Variants in GALNTL6 observed in about 807,000 individuals in gnomAD.
GALNTL6 encodes polypeptide N-acetylgalactosaminyltransferase-like 6.
A neutral mutation model predicts 73.7 loss-of-function variants in GALNTL6; 46 were observed. The observed-to-expected ratio is 0.62, with a 90% CI of 0.49 to 0.80. The LOEUF is 0.80. Among genes scored for constraint, GALNTL6 ranks in the 30% least tolerant of loss-of-function variants. The pLI is 0.00. For missense variants in GALNTL6, 604 were observed against 755.0 expected, an observed-to-expected ratio of 0.80 and a Z score of 2.34; for synonymous variants, 259 against 263.7, an observed-to-expected ratio of 0.98 and a Z score of 0.17.
intron 5 of GALNTL6, among the ~76,000 whole-genome samples, chr4:172,670,109 G>A (rs1731891464): frequency 6.6e-6 from 1 of 152,126 alleles, no homozygotes; most frequent in African/African-American, 2.4e-5. Context: ...TTTCTACTGT[G>A]CATAGTGCTG....
intron 7 of GALNTL6, among the ~76,000 whole-genome samples, chr4:172,853,319 G>T (rs1457545561): frequency 6.6e-6 from 1 of 152,208 alleles, no homozygotes; most frequent in Non-Finnish European, 1.5e-5. Context: ...ATAGTCACTT[G>T]CTTTCTTCAG....
intron 2 of GALNTL6, among the ~76,000 whole-genome samples, chr4:172,024,531 GA>G (rs1282822999): frequency 1.3e-5 from 2 of 151,748 alleles, no homozygotes; most frequent in Non-Finnish European, 2.9e-5. Context: ...AATTAAAGAG[GA>G]ATTAGTTATG....
intron 5 of GALNTL6, among the ~76,000 whole-genome samples, chr4:172,655,057 C>A (rs1730905452): frequency 6.6e-6 from 1 of 152,094 alleles, no homozygotes; most frequent in South Asian, 2.1e-4. Flanking sequence ...GTTCATAATG[C>A]TATGAGGATC....
chr4:172,661,414 A>G (rs988694656), intron 5 of GALNTL6, among the ~76,000 whole-genome samples: 2 of 152,236 alleles, frequency 1.3e-5, no homozygotes, highest in East Asian at 3.8e-4. Flanking sequence ...ATATATGCAC[A>G]TACATACTGT....
At chr4:172,312,615 G>GA (rs1427715872) in intron 4 of GALNTL6, among the ~76,000 whole-genome samples, 12 of 150,928 alleles carry the variant, frequency 8.0e-5, no homozygotes, top group African/African-American at 2.4e-4. Flanking sequence ...GAAAATCAAG[G>GA]AAAAAAAATC....
At chr4:172,743,928 T>A (rs981981165) in intron 5 of GALNTL6, among the ~76,000 whole-genome samples, 1 of 152,130 alleles carries the variant, frequency 6.6e-6, no homozygotes. Context: ...ATAGAATTCA[T>A]CACCTTTCAT....
In GALNTL6 at chr4:172,809,618, G is replaced by T; in HGVS notation, c.739+72G>T. The T allele has an allele frequency of 7.9e-7, 1 of 1,267,920 alleles. No individual in the cohort carries two copies. The highest frequency in any genetic ancestry group is 1.1e-6 in the Non-Finnish European group (1 of 916,316). 78.5% of individuals were successfully genotyped at this position (1,267,920 alleles called of 1,614,324 possible). A position where few individuals can be genotyped will look rare whatever the true frequency, so the allele number is the denominator to read the frequency against. Reference sequence around the variant, plus strand: ...TGAGCGGTTTGCTTCTATTTAGTTTGCAATCAGCAAACACTAGAGGTCCCT... The same window carrying T: ...TGAGCGGTTTGCTTCTATTTAGTTTTCAATCAGCAAACACTAGAGGTCCCT... On this transcript the variant is annotated intron_variant, in intron 6 of 12. Transcript: ENST00000506823. This position sits in a 1 kb window ranked among gnomAD's most constrained non-coding sequence, Gnocchi z 4.4.
chr4:171,995,845 T>C (rs1352061065), intron 2 of GALNTL6, among the ~76,000 whole-genome samples: 1 of 152,058 alleles, frequency 6.6e-6, no homozygotes, highest in Non-Finnish European at 1.5e-5. Context: ...GAAAAGTCCA[T>C]GTACCATGTG....
At chr4:172,383,031 T>C (rs1428750453) in intron 5 of GALNTL6, among the ~76,000 whole-genome samples, 1 of 152,178 alleles carries the variant, frequency 6.6e-6, no homozygotes, top group East Asian at 1.9e-4. Context: ...ATTATTATAG[T>C]TCTGTAATAA....
intron 7 of GALNTL6, among the ~76,000 whole-genome samples, chr4:172,881,291 A>C (rs1745438973): frequency 6.6e-6 from 1 of 152,160 alleles, no homozygotes. Context: ...TGCTAGAGAG[A>C]GGGATAAAGT....
intron 5 of GALNTL6, among the ~76,000 whole-genome samples, chr4:172,496,758 T>C (rs187122567): frequency 6.6e-6 from 1 of 152,314 alleles, no homozygotes; most frequent in Non-Finnish European, 1.5e-5. Flanking sequence ...AACAATGTAG[T>C]AGCGATACTG....
Position 172,748,930 on chromosome 4 carries a change from A to G in GALNTL6, c.554-60431A>G, listed in dbSNP as rs182138347. 6.7e-5 allele frequency among the ~76,000 whole-genome samples: 10 copies of G among 149,604 alleles called. No homozygotes were observed. The East Asian group carries it at 2.0e-3, about 30-fold the overall frequency. ...TTGTTGTTGTTGTTGTTGTTGTTTA[A>G]GACAAGGTCTACTCTGTTGCCCAGG... On this transcript the variant is annotated intron_variant, in intron 5 of 12. Transcript: ENST00000506823.
At chr4:171,919,495 TTGCATTTCAAAC>T (rs1361220114) in intron 2 of GALNTL6, among the ~76,000 whole-genome samples, 1 of 151,952 alleles carries the variant, frequency 6.6e-6, no homozygotes, top group Non-Finnish European at 1.5e-5. Context: ...TCCCAATAGT[TTGCATTTCAAAC>T]AATTAGTCAG....
intron 5 of GALNTL6, among the ~76,000 whole-genome samples, chr4:172,443,600 TGA>T (rs2111406235): frequency 6.6e-6 from 1 of 152,206 alleles, no homozygotes; most frequent in East Asian, 1.9e-4. Context: ...TTTTTATATG[TGA>T]GAGATATGAC....
At chr4:172,528,319 AATATATATATAT>A (rs3083419) in intron 5 of GALNTL6, among the ~76,000 whole-genome samples, 2,230 of 103,584 alleles carry the variant, frequency 0.022, 33 homozygotes, top group Non-Finnish European at 0.029. Flanking sequence ...CTAGAAATAA[AATATATATATAT>A]ATATATATAT....
At chr4:172,228,048 G>T (rs1383281567) in intron 2 of GALNTL6, among the ~76,000 whole-genome samples, 1 of 152,072 alleles carries the variant, frequency 6.6e-6, no homozygotes, top group Non-Finnish European at 1.5e-5. Flanking sequence ...CAAAACATGG[G>T]TTACATATTT....
intron 2 of GALNTL6, among the ~76,000 whole-genome samples, chr4:172,082,043 A>T (rs1312737837): frequency 1.3e-5 from 2 of 151,844 alleles, no homozygotes; most frequent in Admixed American, 6.6e-5. Flanking sequence ...TGCCCCGCTA[A>T]TTTTCGTATT....
Position 172,831,268 on chromosome 4 carries a change from G to A in GALNTL6, c.923+17545G>A, listed in dbSNP as rs1194294082. The stretch of plus-strand genomic sequence containing the variant: ...TGCTGGCTGTTCAGTCTTGGAAGCT[G>A]CAGCTAATGCAGAGTGGCCTAGAAC... On this transcript the variant is annotated intron_variant, in intron 7 of 12. Coordinates refer to ENST00000506823, the MANE Select transcript of GALNTL6 (RefSeq NM_001034845.3). 2.0e-5 allele frequency among the ~76,000 whole-genome samples: 3 copies of A among 150,790 alleles called. No individual in the cohort carries two copies. In the Admixed American group the frequency reaches 2.0e-4, roughly 10 times the overall value.
At chr4:171,874,711 C>T (rs950309375) in intron 2 of GALNTL6, among the ~76,000 whole-genome samples, 2 of 152,098 alleles carry the variant, frequency 1.3e-5, no homozygotes, top group Non-Finnish European at 2.9e-5. Context: ...GAGCTGAGAC[C>T]TAAAATACTG....
Sources: allele counts gnomAD v4.1 joint callset (sites outside exome capture counted in the v4.1 genomes callset), GRCh38; gene constraint gnomAD v4.1.1; non-coding constraint Gnocchi (gnomAD v3.1); transcripts MANE v1.5; gene names NCBI Gene and HGNC (gene_info 2026-07-23, HGNC 2026-07-21).